Variants in PRKG1 observed in about 807,000 individuals in gnomAD.
The protein encoded by PRKG1 is cGMP-dependent protein kinase 1.
In PRKG1, 35 loss-of-function variants were observed where a neutral mutation model predicts 88.1. The observed-to-expected ratio is 0.40, with a 90% confidence interval of 0.30 to 0.53. The LOEUF (loss-of-function observed/expected upper bound fraction) is 0.53. Among genes scored for constraint, PRKG1 ranks in the 20% least tolerant of loss-of-function variants. The probability of loss-of-function intolerance (pLI) is 0.59; values close to 1 mark genes in which losing one functional copy is unlikely to be tolerated. For missense variants in PRKG1, 540 were observed against 839.8 expected, an observed-to-expected ratio of 0.64 and a Z score of 4.41; for synonymous variants, 303 against 292.5, an observed-to-expected ratio of 1.04 and a Z score of -0.37.
chr10:51,074,235 G>T, upstream of PRKG1: 1 of 217,238 alleles, frequency 4.6e-6, no homozygotes, highest in South Asian at 1.1e-4. Flanking sequence ...CGCTGCCTCG[G>T]AGCCCCCATT....
chr10:51,962,401 C>A (rs1479351829), intron 5 of PRKG1, among the ~76,000 whole-genome samples: 1 of 152,146 alleles, frequency 6.6e-6, no homozygotes, highest in Non-Finnish European at 1.5e-5. Context: ...TATGACTGTT[C>A]TGTGAATTCC....
At chr10:51,935,548 T>G (rs948467607) in intron 5 of PRKG1, among the ~76,000 whole-genome samples, 4 of 152,130 alleles carry the variant, frequency 2.6e-5, no homozygotes, top group Non-Finnish European at 5.9e-5. Flanking sequence ...ACTTCCCCTT[T>G]TAATTTCATA....
At chr10:51,409,949 G>A (rs966453402) in intron 2 of PRKG1, among the ~76,000 whole-genome samples, 4 of 151,508 alleles carry the variant, frequency 2.6e-5, no homozygotes, top group African/African-American at 7.3e-5. Context: ...ACCTATGGGG[G>A]CCTGCCAGAG....
In PRKG1 at chr10:51,016,692, T is replaced by TTTTTTTTTTTTTTTCC. The variant is rs1554830040; in HGVS notation, c.266+25048_266+25049insTTTTTTTTTTTTTTCC. 3.0e-5 allele frequency among the ~76,000 whole-genome samples: 4 copies of TTTTTTTTTTTTTTTCC among 133,244 alleles called. 1 individual carries two copies. The highest frequency in any genetic ancestry group is 1.2e-4 in the African/African-American group (4 of 34,024). 87.4% of individuals were successfully genotyped at this position (133,244 alleles called of 152,430 possible). On this transcript the variant is annotated intron_variant, in intron 1 of 17. Transcript: ENST00000401604. ...TCCTTTCTTTTTTTTTTTTTTTTTTTGGAATCTTGCTCTGTTGCCAGGCTG... is the reference window on the plus strand; with the variant it reads ...TCCTTTCTTTTTTTTTTTTTTTTTTTTTTTTTTTTTTTTTCCGGAATCTTGCTCTGTTGCCAGGCTG...
At chr10:51,110,310 A>G (rs1233981762) in intron 1 of PRKG1, among the ~76,000 whole-genome samples, 1 of 152,172 alleles carries the variant, frequency 6.6e-6, no homozygotes, top group Non-Finnish European at 1.5e-5. Context: ...ATGTCTATCA[A>G]CAGGTGAATG....
At chr10:52,291,954 G>A (rs573654378) in intron 17 of PRKG1, among the ~76,000 whole-genome samples, 1 of 152,280 alleles carries the variant, frequency 6.6e-6, no homozygotes, top group African/African-American at 2.4e-5. Context: ...TCTAACTGGT[G>A]TGAGATGGTA....
chr10:51,352,897 T>A (rs563142685), intron 2 of PRKG1, among the ~76,000 whole-genome samples: 1 of 152,172 alleles, frequency 6.6e-6, no homozygotes, highest in South Asian at 2.1e-4. Flanking sequence ...ATCATGGTAC[T>A]GGCAAAACAA....
intron 3 of PRKG1, among the ~76,000 whole-genome samples, chr10:51,599,135 A>G (rs1373715888): frequency 1.3e-5 from 2 of 152,186 alleles, no homozygotes; most frequent in Non-Finnish European, 2.9e-5. Context: ...TATGAGTTTC[A>G]GGATAGTATG....
intron 7 of PRKG1, among the ~76,000 whole-genome samples, chr10:52,115,881 A>T (rs1847674296): frequency 6.6e-6 from 1 of 152,144 alleles, no homozygotes; most frequent in Admixed American, 6.6e-5. Flanking sequence ...AATTTTAGAT[A>T]TTCAGAGAAA....
intron 3 of PRKG1, among the ~76,000 whole-genome samples, chr10:51,666,986 C>G (rs1038794654): frequency 6.6e-6 from 1 of 151,820 alleles, no homozygotes; most frequent in Non-Finnish European, 1.5e-5. Flanking sequence ...TTAGTAGAGA[C>G]GTGGTTTCAC....
intron 2 of PRKG1, among the ~76,000 whole-genome samples, chr10:51,218,490 CATATATATATATAT>C (rs869105973): frequency 3.9e-4 from 16 of 40,776 alleles, no homozygotes; most frequent in East Asian, 5.8e-4. Flanking sequence ...CATCTATCTT[CATATATATATATAT>C]ATATATATAT....
At chr10:51,560,151 G>A (rs1350394952) in intron 3 of PRKG1, among the ~76,000 whole-genome samples, 7 of 152,022 alleles carry the variant, frequency 4.6e-5, no homozygotes, top group Admixed American at 4.6e-4. Context: ...CATTTTCAAT[G>A]GTAAAACAAA....
intron 2 of PRKG1, among the ~76,000 whole-genome samples, chr10:51,197,108 A>T (rs1837788522): frequency 6.6e-6 from 1 of 152,100 alleles, no homozygotes; most frequent in Non-Finnish European, 1.5e-5. Context: ...TATTTAAGTG[A>T]CTTACCCATT....
At chr10:51,132,787 A>C (rs2131939816) in intron 1 of PRKG1, among the ~76,000 whole-genome samples, 1 of 150,514 alleles carries the variant, frequency 6.6e-6, no homozygotes, top group East Asian at 1.9e-4. Flanking sequence ...ATGGTAAAAT[A>C]GCTAAGTAAA....
At chr10:52,203,856 T>C (rs1029100267) in intron 9 of PRKG1, among the ~76,000 whole-genome samples, 4 of 152,148 alleles carry the variant, frequency 2.6e-5, no homozygotes, top group African/African-American at 4.8e-5. Context: ...TTTGTTTTGT[T>C]TTTCATTTAC....
chr10:51,040,131 A>G (rs1356910038), intron 1 of PRKG1, among the ~76,000 whole-genome samples: 1 of 151,792 alleles, frequency 6.6e-6, no homozygotes, highest in Non-Finnish European at 1.5e-5. Context: ...TGGTATTTTG[A>G]TAGGGATTGC....
intron 2 of PRKG1, among the ~76,000 whole-genome samples, chr10:51,381,372 G>C (rs1341605887): frequency 6.9e-6 from 1 of 144,256 alleles, no homozygotes; most frequent in African/African-American, 2.5e-5. Flanking sequence ...ATGAATGAAT[G>C]AAGAAATGAA....
At chr10:51,408,117 T>A (rs1333241707) in intron 2 of PRKG1, among the ~76,000 whole-genome samples, 3 of 152,166 alleles carry the variant, frequency 2.0e-5, no homozygotes, top group Non-Finnish European at 1.5e-5. Flanking sequence ...TTCCACCCCT[T>A]GATTCCTGGA....
intron 5 of PRKG1, among the ~76,000 whole-genome samples, chr10:52,011,984 G>T (rs1053540080): frequency 1.1e-4 from 16 of 151,970 alleles, no homozygotes; most frequent in Admixed American, 1.1e-3. Flanking sequence ...CCTTCCTCCC[G>T]GCCATGTGGA....
Sources: allele counts gnomAD v4.1 joint callset (sites outside exome capture counted in the v4.1 genomes callset), GRCh38; gene constraint gnomAD v4.1.1; transcripts MANE v1.5; gene names NCBI Gene and HGNC (gene_info 2026-07-23, HGNC 2026-07-21).